The following EYS variants were observed in gnomAD, a reference collection of about 807,000 sequenced individuals.
EYS encodes the protein protein eyes shut homolog.
A neutral mutation model predicts 282.1 loss-of-function variants in EYS; 250 were observed. That is an observed-to-expected ratio of 0.89 (90% confidence interval 0.80 to 0.98). The LOEUF (loss-of-function observed/expected upper bound fraction) is 0.98, where lower values mean the gene tolerates loss of function less well. EYS is among the 50% of genes least tolerant of loss of function. The pLI is 0.00. For synonymous variants in EYS, 1,355 were observed against 1,282.9 expected (o/e 1.06, Z -1.20); for missense variants, 4,016 against 3,709.0 (o/e 1.08, Z -2.15).
chr6:64,052,883 C>T (rs1306968613), intron 33 of EYS, among the ~76,000 whole-genome samples: 1 of 152,144 alleles, frequency 6.6e-6, no homozygotes, highest in Non-Finnish European at 1.5e-5. Flanking sequence ...TGAGGACTTC[C>T]CCAGCCATGC....
chr6:64,251,509 T>A (rs1168744738), intron 30 of EYS, among the ~76,000 whole-genome samples: 2 of 152,124 alleles, frequency 1.3e-5, no homozygotes, highest in African/African-American at 4.8e-5. Context: ...TCTAGTATAC[T>A]GAGGCACAGT....
chr6:65,397,235 T>C (rs898680997), intron 7 of EYS, among the ~76,000 whole-genome samples: 6 of 151,938 alleles, frequency 3.9e-5, no homozygotes, highest in African/African-American at 1.4e-4. Flanking sequence ...AGTGCAGTTT[T>C]TTGTTTGTTT....
intron 2 of EYS, among the ~76,000 whole-genome samples, chr6:65,598,005 TG>T (rs2149788284): frequency 6.6e-6 from 1 of 151,730 alleles, no homozygotes; most frequent in South Asian, 2.1e-4. Context: ...GAAGCTGAGG[TG>T]GGAGGATCAT....
chr6:64,935,900 G>A (rs1768890464), intron 15 of EYS, among the ~76,000 whole-genome samples: 1 of 151,540 alleles, frequency 6.6e-6, no homozygotes. Flanking sequence ...CAATCCTTCT[G>A]CAACTGTTCC....
chr6:63,881,009 C>CT (rs781196598), intron 35 of EYS, among the ~76,000 whole-genome samples: 7,204 of 146,716 alleles, frequency 0.049, 251 homozygotes, highest in African/African-American at 0.1. Flanking sequence ...CTAGTTAACA[C>CT]TTTTTTTTTT....
rs376901570 is a variant in EYS, at chr6:64,699,435, A to G, written c.3444-73190T>C. Among the ~76,000 whole-genome samples, 10 of 152,252 alleles carry G rather than the reference A, an allele frequency of 6.6e-5. No homozygotes were observed. In the South Asian group the frequency reaches 1.9e-3, roughly 28 times the overall value. On this transcript the variant is annotated intron_variant, in intron 22 of 42. Coordinates refer to ENST00000503581, the MANE Select transcript of EYS (RefSeq NM_001142800.2). Reference sequence around the variant, plus strand: ...CAAAAAATCCCCATTACACAAGTTTATCTATGTAACAAACATTCATATGTA... The same window carrying G: ...CAAAAAATCCCCATTACACAAGTTTGTCTATGTAACAAACATTCATATGTA...
At chr6:64,890,057 C>A (rs901135004) in intron 18 of EYS, among the ~76,000 whole-genome samples, 4 of 121,832 alleles carry the variant, frequency 3.3e-5, no homozygotes, top group Non-Finnish European at 5.5e-5. Context: ...CCCCCCCCCC[C>A]AAGGTGTGCC....
chr6:63,743,686 A>G (rs995279579), intron 41 of EYS, among the ~76,000 whole-genome samples: 7 of 152,334 alleles, frequency 4.6e-5, no homozygotes, highest in African/African-American at 1.7e-4. Context: ...TCAGCATAGG[A>G]AAGTAGAGGA....
At chr6:64,773,646 G>T (rs1773591249) in intron 22 of EYS, among the ~76,000 whole-genome samples, 1 of 151,586 alleles carries the variant, frequency 6.6e-6, no homozygotes, top group South Asian at 2.1e-4. Flanking sequence ...CTGTTATTTT[G>T]GACTCCTTAA....
intron 19 of EYS, among the ~76,000 whole-genome samples, chr6:64,836,767 C>T (rs1256607377): frequency 6.6e-6 from 1 of 151,496 alleles, no homozygotes; most frequent in Non-Finnish European, 1.5e-5. Flanking sequence ...TAGTGAAATG[C>T]TGTAAATAAT....
chr6:65,589,134 T>G (rs1765149067), intron 2 of EYS, among the ~76,000 whole-genome samples: 2 of 152,008 alleles, frequency 1.3e-5, no homozygotes, highest in Non-Finnish European at 2.9e-5. Flanking sequence ...CCCTGTGACT[T>G]CCTACCAGGA....
At chr6:64,095,520 G>T (rs1271057242) in intron 31 of EYS, among the ~76,000 whole-genome samples, 1 of 151,930 alleles carries the variant, frequency 6.6e-6, no homozygotes, top group African/African-American at 2.4e-5. Flanking sequence ...GGCCTTCTTT[G>T]TCTCTTTTGA....
intron 14 of EYS, among the ~76,000 whole-genome samples, chr6:64,995,376 C>A (rs1771216800): frequency 6.6e-6 from 1 of 152,104 alleles, no homozygotes. Context: ...TAATTTTAAT[C>A]TGTAACTTTT....
At chr6:65,622,962 T>C (rs1766574460) in intron 2 of EYS, among the ~76,000 whole-genome samples, 1 of 152,138 alleles carries the variant, frequency 6.6e-6, no homozygotes, top group South Asian at 2.1e-4. Context: ...CTGTCTATGT[T>C]GCCCAGGCTG....
At chr6:65,353,357 T>A in intron 9 of EYS, 101 bp downstream of exon 9, 1 of 1,002,326 alleles carries the variant, frequency 1.0e-6, no homozygotes, top group Non-Finnish European at 1.5e-6. Flanking sequence ...TATATTACGT[T>A]TTGAGATATA....
intron 13 of EYS, among the ~76,000 whole-genome samples, chr6:65,018,053 A>G (rs781635065): frequency 6.6e-6 from 1 of 152,204 alleles, no homozygotes; most frequent in Non-Finnish European, 1.5e-5. Flanking sequence ...GAGAATGCCA[A>G]TAAAGATACT....
At chr6:65,425,359 T>C (rs886648620) in intron 5 of EYS, among the ~76,000 whole-genome samples, 5 of 152,110 alleles carry the variant, frequency 3.3e-5, no homozygotes, top group East Asian at 1.9e-4. Context: ...TTCAAGACTG[T>C]GGCTTCCATA....
At chr6:65,259,107 G>A (rs1311999092) in intron 12 of EYS, among the ~76,000 whole-genome samples, 1 of 151,986 alleles carries the variant, frequency 6.6e-6, no homozygotes, top group South Asian at 2.1e-4. Flanking sequence ...AATCCTAGAT[G>A]GTAGACATTA....
At chr6:65,305,846 G>A (rs1768990628) in intron 11 of EYS, among the ~76,000 whole-genome samples, 1 of 152,050 alleles carries the variant, frequency 6.6e-6, no homozygotes, top group Non-Finnish European at 1.5e-5. Context: ...CAGTATTTAT[G>A]TGGTGGCCTT....
Sources: gnomAD v4.1 joint callset for allele counts (sites outside exome capture counted in the v4.1 genomes callset) on GRCh38, gnomAD v4.1.1 for gene constraint, MANE v1.5 for transcripts, NCBI Gene and HGNC (gene_info 2026-07-23, HGNC 2026-07-21) for gene names.